MLST8: variants seen among roughly 807,000 people sequenced by gnomAD.
MLST8 encodes the protein MTOR associated protein MLST8.
In MLST8, 20 loss-of-function variants were observed where a neutral mutation model predicts 41.3. The ratio of observed to expected loss-of-function variants is 0.48; its 90% CI spans 0.34 to 0.70. The LOEUF is 0.70. Among genes scored for constraint, MLST8 ranks in the 30% least tolerant of loss-of-function variants. The probability of loss-of-function intolerance (pLI) is 0.01; values close to 1 mark genes in which losing one functional copy is unlikely to be tolerated. For missense variants in MLST8, 422 were observed against 454.3 expected, an observed-to-expected ratio of 0.93 and a Z score of 0.65; for synonymous variants, 243 against 183.0, an observed-to-expected ratio of 1.33 and a Z score of -2.65.
chr16:2,206,985 G>T, intron 4 of MLST8, 50 bp from the exon 5 acceptor site: 2 of 1,604,710 alleles, frequency 1.2e-6, no homozygotes, highest in African/African-American at 2.7e-5. Flanking sequence ...CATCTGGGTA[G>T]GGCACCAACA....
intron 3 of MLST8, 29 bp downstream of exon 3, chr16:2,206,438 C>T: frequency 6.2e-7 from 1 of 1,614,066 alleles, no homozygotes; most frequent in Non-Finnish European, 8.5e-7. Flanking sequence ...CTCTAAACTC[C>T]TGAGCTCTGG....
At position 2,209,045 on chromosome 16, in the gene MLST8, C is replaced by G. The variant is rs573112934; in HGVS notation, c.*168C>G. 1 of 738,750 alleles carries G rather than the reference C, an allele frequency of 1.4e-6. No homozygotes were observed. 45.8% of individuals were successfully genotyped at this position (738,750 alleles called of 1,614,324 possible). A position where few individuals can be genotyped will look rare whatever the true frequency, so the allele number is the denominator to read the frequency against. On this transcript the variant is annotated 3_prime_UTR_variant, in exon 9 of 9. Coordinates refer to ENST00000569417, the MANE Select transcript of MLST8 (RefSeq NM_022372.6). ...AGGCTGCCCTGGGACTCTCAGCCCC[C>G]AGTTGCTTATCCAGATGTGACAGAG...
intron 4 of MLST8, 60 bp from the exon 5 acceptor site, chr16:2,206,975 C>A: frequency 6.3e-7 from 1 of 1,599,120 alleles, no homozygotes; most frequent in Non-Finnish European, 8.5e-7. Context: ...AGGCCGAGGC[C>A]ATCTGGGTAG....
In MLST8 at chr16:2,206,512, G is replaced by A; in HGVS notation, c.197G>A (p.Arg66His). 6.2e-7 allele frequency: 1 copy of A among 1,611,202 alleles called. No homozygotes were observed. Among genetic ancestry groups the A allele is most frequent in the South Asian group, 1.1e-5 (1 of 91,038 alleles). ...MIAAAGYQHI[R>H]MYDLNSNNPN... ...GTGTCCCTAGGTTACCAGCACATCC[G>A]CATGTATGATCTCAACTCCAATAAC... The change falls in exon 4 of 9, where the codon CGC (arginine) becomes CAC (histidine). Residue 66 changes from arginine (R) to histidine (H), a missense_variant. Transcript: ENST00000569417.
rs146411953 is a variant in MLST8 at position 2,206,223 on chromosome 16, C to T, written c.129+9C>T. The stretch of plus-strand genomic sequence containing the variant: ...TGCAGCACCAGGACTCCGTATCCTC[C>T]ACCCGGGGCGGGCAGGGCGGCGCTG... On this transcript the variant is annotated intron_variant, in intron 2 of 8. Transcript: ENST00000569417. The T allele has an allele frequency of 3.4e-5, 55 of 1,604,944 alleles. 1 individual carries two copies. The East Asian group carries it at 1.2e-3, about 36-fold the overall frequency.
rs1237300365 is a variant in MLST8, at chr16:2,208,420, T to C, written c.699-30T>C. Reference sequence around the variant, plus strand: ...AGGGGCTGCTGGATGGAGTGGCTGCTGCTGGACACGCCCCATGCCCACCCA... The same window carrying C: ...AGGGGCTGCTGGATGGAGTGGCTGCCGCTGGACACGCCCCATGCCCACCCA... On this transcript the variant is annotated intron_variant, in intron 7 of 8. Transcript: ENST00000569417. The C allele has an allele frequency of 5.6e-6, 9 of 1,610,066 alleles. No homozygotes were observed. In the South Asian group the frequency reaches 9.9e-5, roughly 18 times the overall value.
At chr16:2,208,037 C>G (rs26860) in intron 6 of MLST8, 173 bp from the exon 7 acceptor site, 285,133 of 650,510 alleles carry the variant, frequency 0.44, 67,420 homozygotes, top group East Asian at 0.62. Flanking sequence ...GTGGCCCTTG[C>G]TTGGGGCCAG....
chr16:2,208,924 G>T lies in MLST8; in HGVS notation c.*47G>T. 1.9e-6 allele frequency: 3 copies of T among 1,596,348 alleles called. No homozygotes were observed. Among genetic ancestry groups the T allele is most frequent in the Non-Finnish European group, 2.6e-6 (3 of 1,169,990 alleles). ...CTGGTGCAGGTGGTGGCAGCTGGAG[G>T]GACCCATGCAGCACCCAGGTCAGAG... On this transcript the variant is annotated 3_prime_UTR_variant, in exon 9 of 9. Transcript: ENST00000569417.
At position 2,208,164 on chromosome 16, in the gene MLST8, A is replaced by G. The variant is rs541814347; in HGVS notation, c.574-46A>G. ...CCCAGGGCATCCTTCCCTGTGTCTC[A>G]GACCTGAGGCCTTGGGCCCTCCGTG... is the stretch of plus-strand genomic sequence containing the variant. On this transcript the variant is annotated intron_variant, in intron 6 of 8. Transcript: ENST00000569417. 2.8e-5 allele frequency: 43 copies of G among 1,558,856 alleles called. No homozygotes were observed. In the East Asian group the frequency reaches 9.8e-4, roughly 35 times the overall value.
chr16:2,208,277 C>G lies in MLST8; in HGVS notation c.641C>G (p.Thr214Ser). The change falls in exon 7 of 9, where the codon ACT becomes AGT. Residue 214 changes from threonine to serine, a missense_variant. Thr to Ser is a moderately conservative substitution (Grantham distance 58, BLOSUM62 1). Transcript: ENST00000569417. Reference sequence around the variant, plus strand: ...GAGGTGACCCAGCTCATCCCCAAGACTAAGATCCCTGCCCACACGCGCTAC... The same window carrying G: ...GAGGTGACCCAGCTCATCCCCAAGAGTAAGATCCCTGCCCACACGCGCTAC... ...GDEVTQLIPK[T>S]KIPAHTRYAL... is the part of the protein sequence containing the mutation. 6.2e-7 allele frequency: 1 copy of G among 1,613,580 alleles called. No individual in the cohort carries two copies. Among genetic ancestry groups the G allele is most frequent in the South Asian group, 1.1e-5 (1 of 91,072 alleles).
Position 2,208,707 on chromosome 16 carries a change from G to C in MLST8, c.863-52G>C, listed in dbSNP as rs777944864. 4 of 1,613,116 alleles carry C rather than the reference G, an allele frequency of 2.5e-6. No individual in the cohort carries two copies. The Admixed American group carries it at 5.0e-5, about 20-fold the overall frequency. On this transcript the variant is annotated intron_variant, in intron 8 of 8. Transcript: ENST00000569417. The stretch of plus-strand genomic sequence containing the variant: ...CTGCAGCTTCCCCTCTGCTGGGGCC[G>C]CCTGCTTGGCCTGCACCTGCGCTCT...
At chr16:2,207,934 C>T (rs2093328021) in intron 6 of MLST8, 1 of 374,060 alleles carries the variant, frequency 2.7e-6, no homozygotes, top group Non-Finnish European at 4.8e-6. Context: ...TGGTGCCCTT[C>T]TCCTGTCTAC....
intron 1 of MLST8, chr16:2,205,786 C>CT: frequency 9.4e-7 from 1 of 1,067,906 alleles, no homozygotes; most frequent in Non-Finnish European, 1.1e-6. Context: ...GTGACTCCCC[C>CT]CTGCCGGCTG....
intron 1 of MLST8, 190 bp downstream of exon 1, chr16:2,205,702 C>T (rs1175317180): frequency 2.0e-6 from 2 of 995,880 alleles, no homozygotes; most frequent in Non-Finnish European, 2.4e-6. Context: ...GCAGCCGCAG[C>T]GCTCGGCTTT....
chr16:2,209,447 C>G lies in MLST8; in HGVS notation c.*570C>G, dbSNP rs372074545. The G allele has an allele frequency of 4.5e-5, 72 of 1,613,566 alleles. No homozygotes were observed. Among genetic ancestry groups the G allele is most frequent in the Non-Finnish European group, 5.4e-5 (64 of 1,179,998 alleles). On this transcript the variant is annotated 3_prime_UTR_variant, in exon 9 of 9. Transcript: ENST00000569417. ...GATGCAGAGATAAATCAGCCGCTGT[C>G]TCCGGGGCCCTGTGGCGAGGGTGCC...
chr16:2,205,873 C>T (rs751806803), intron 1 of MLST8, 158 bp from the exon 2 acceptor site: 5 of 1,362,862 alleles, frequency 3.7e-6, no homozygotes, highest in Non-Finnish European at 3.8e-6. Context: ...GCCCCGGAGC[C>T]AGGTATCACG....
At chr16:2,206,330 T>C in intron 2 of MLST8, 28 bp from the exon 3 acceptor site, 4 of 1,613,268 alleles carry the variant, frequency 2.5e-6, no homozygotes, top group Non-Finnish European at 2.5e-6. Context: ...CAGGGCTACC[T>C]TCCCGTCATC....
Position 2,208,326 on chromosome 16 carries a change from C to G in MLST8, c.690C>G (p.Pro230=), listed in dbSNP as rs202083987. 9.4e-4 allele frequency: 1,513 copies of G among 1,606,820 alleles called. 1 individual carries two copies. The highest frequency in any genetic ancestry group is 1.2e-3 in the Non-Finnish European group (1,454 of 1,174,884). The change falls in exon 7 of 9, where the codon CCC becomes CCG. Residue 230 remains proline (P), a synonymous_variant. Transcript: ENST00000569417. ...TRYALQCRFS[P]DSTLLATCSA... The stretch of plus-strand genomic sequence containing the variant: ...ACGCCCTGCAGTGTCGCTTCAGCCC[C>G]GACTCCACGTGCGTGCAGGGCCTGC...
chr16:2,207,381 T>G (rs779919764), intron 6 of MLST8, 36 bp downstream of exon 6: 1 of 1,605,462 alleles, frequency 6.2e-7, no homozygotes, highest in African/African-American at 1.3e-5. Flanking sequence ...TGCGGGCAGC[T>G]TGGCACTCAG....
Sources: gnomAD v4.1 joint callset for allele counts on GRCh38, gnomAD v4.1.1 for gene constraint, MANE v1.5 for transcripts, NCBI Gene and HGNC (gene_info 2026-07-23, HGNC 2026-07-21) for gene names.